Variants in TCIRG1 observed in about 807,000 individuals in gnomAD.
The protein encoded by TCIRG1 is T cell immune regulator 1, ATPase H+ transporting V0 subunit a3.
In TCIRG1, 86 loss-of-function variants were observed where a neutral mutation model predicts 95.5. The ratio of observed to expected loss-of-function variants is 0.90; its 90% CI spans 0.76 to 1.08. The LOEUF (loss-of-function observed/expected upper bound fraction) is 1.08. Ranked by LOEUF, TCIRG1 falls within the 50% of genes least tolerant of loss-of-function variation. The pLI is 0.00. For synonymous variants in TCIRG1, 499 were observed against 501.3 expected, an observed-to-expected ratio of 1.00 and a Z score of 0.06; for missense variants, 1,069 against 1,140.2, an observed-to-expected ratio of 0.94 and a Z score of 0.90.
Position 68,047,129 on chromosome 11 carries a change from G to A in TCIRG1, c.1166-304G>A, listed in dbSNP as rs1403331973. On this transcript the variant is annotated intron_variant, in intron 10 of 19. Transcript: ENST00000265686. ...GGGTTCAAATGATTCTCCTGCCTCA[G>A]CCTCCTGAGTAGCTGGGATTACAGG... 4 of 401,592 alleles carry A rather than the reference G, an allele frequency of 1.0e-5. No individual in the cohort carries two copies. The Admixed American group carries it at 1.4e-4, about 14-fold the overall frequency. 24.9% of individuals were successfully genotyped at this position (401,592 alleles called of 1,614,324 possible).
rs1000666892 is a variant in TCIRG1, at chr11:68,047,264, C to A, written c.1166-169C>A. Among the ~76,000 whole-genome samples the A allele has an allele frequency of 5.3e-5, 6 of 114,184 alleles. 1 individual carries two copies. The highest frequency in any genetic ancestry group is 9.8e-5 in the Non-Finnish European group (5 of 50,826). 74.9% of individuals were successfully genotyped at this position (114,184 alleles called of 152,430 possible). On this transcript the variant is annotated intron_variant, in intron 10 of 19. Coordinates refer to ENST00000265686, the MANE Select transcript of TCIRG1 (RefSeq NM_006019.4). Reference sequence around the variant, plus strand: ...GACCTCGGGTGATGCCCCCCCCCCCCCCCGTCTCGGCCTCCCAGAGTGCTG... The same window carrying A: ...GACCTCGGGTGATGCCCCCCCCCCCACCCGTCTCGGCCTCCCAGAGTGCTG...
chr11:68,051,014 G>T (rs1855778797), downstream of TCIRG1: 1 of 656,426 alleles, frequency 1.5e-6, no homozygotes, highest in East Asian at 2.7e-5. Flanking sequence ...CTGCAATAAT[G>T]TCAGACTCTT....
Position 68,044,002 on chromosome 11 carries a change from TC to T in TCIRG1, c.807+97del, listed in dbSNP as rs965015786. On this transcript the variant is annotated intron_variant, in intron 8 of 19. Transcript: ENST00000265686. ...AGGAGGTGGGTGCCCTGGCCTGGCCTCCAGGAGGTGGGTGCAGGAGGTGGGT... is the reference window on the plus strand; with the variant it reads ...AGGAGGTGGGTGCCCTGGCCTGGCCTCAGGAGGTGGGTGCAGGAGGTGGGT... 9.9e-6 allele frequency: 13 copies of T among 1,306,734 alleles called. No individual in the cohort carries two copies. The African/African-American group carries it at 1.5e-4, about 15-fold the overall frequency. The allele number at this position is 1,306,734 out of a possible 1,614,324, so 80.9% of individuals were successfully genotyped here.
Position 68,049,196 on chromosome 11 carries a change from G to C in TCIRG1, c.1789G>C (p.Ala597Pro). 1 of 1,613,874 alleles carries C rather than the reference G, an allele frequency of 6.2e-7. No homozygotes were observed. Reference protein sequence around the residue: ...LVIYKWLCVWAARAASAPSIL... With the variant: ...LVIYKWLCVWPARAASAPSIL... ...CATCTACAAGTGGCTGTGTGTCTGG[G>C]CTGCCAGGGCCGCCTCGGCCCCCAG... Residue 597 changes from alanine to proline, a missense_variant, in exon 15 of 20, where the codon GCT (alanine) becomes CCT (proline). By Grantham distance (27) the Ala-to-Pro change is conservative (BLOSUM62 -1). Transcript: ENST00000265686.
chr11:68,048,403 C>T (rs1855616316), intron 13 of TCIRG1: 2 of 340,008 alleles, frequency 5.9e-6, no homozygotes, highest in Non-Finnish European at 1.1e-5. Context: ...AAGCGATTCC[C>T]CTGCTTCAGC....
chr11:68,045,962 T>G (rs1187178422), intron 10 of TCIRG1, among the ~76,000 whole-genome samples: 1 of 151,846 alleles, frequency 6.6e-6, no homozygotes, highest in Non-Finnish European at 1.5e-5. Flanking sequence ...CACTGGGGGG[T>G]TTGCTGCTTC....
rs368374708 is a variant in TCIRG1, at chr11:68,043,574, G to A, written c.634G>A (p.Glu212Lys). The A allele has an allele frequency of 1.8e-5, 29 of 1,609,056 alleles. No homozygotes were observed. Among genetic ancestry groups the A allele is most frequent in the South Asian group, 1.1e-4 (10 of 90,230 alleles). Residue 212 changes from glutamate to lysine, a missense_variant, in exon 7 of 20, where the codon GAG becomes AAG. Coordinates refer to ENST00000265686, the MANE Select transcript of TCIRG1 (RefSeq NM_006019.4). ...EQPLEHPVTG[E>K]PATWMTFLIS... ...GTCAGCTGAGCCTGCTCTGCAGGGCGAGCCAGCCACGTGGATGACCTTCCT... is the reference window on the plus strand; with the variant it reads ...GTCAGCTGAGCCTGCTCTGCAGGGCAAGCCAGCCACGTGGATGACCTTCCT...
chr11:68,042,267 G>C (rs1855204683), intron 3 of TCIRG1, among the ~76,000 whole-genome samples: 1 of 152,236 alleles, frequency 6.6e-6, no homozygotes, highest in African/African-American at 2.4e-5. Flanking sequence ...AGGAGCCTGT[G>C]GGGGCACCAA....
At chr11:68,050,112 G>A (rs777107794) in intron 17 of TCIRG1, 25 bp from the exon 18 acceptor site, 47 of 1,612,124 alleles carry the variant, frequency 2.9e-5, no homozygotes, top group Middle Eastern at 1.6e-4. Flanking sequence ...AGGCCCTGCC[G>A]GCCCTCACTG....
At chr11:68,042,037 C>G (rs896153080) in intron 3 of TCIRG1, among the ~76,000 whole-genome samples, 2 of 152,218 alleles carry the variant, frequency 1.3e-5, no homozygotes, top group Admixed American at 6.5e-5. Context: ...GAGCAGAGGG[C>G]CTAGGGCAGG....
chr11:68,044,312 C>T lies in TCIRG1; in HGVS notation c.988C>T (p.Pro330Ser). The T allele has an allele frequency of 6.3e-7, 1 of 1,599,612 alleles. No individual in the cohort carries two copies. ...AEAWCSVRDLPALQEALRDSS... is the reference protein window; with the variant it reads ...AEAWCSVRDLSALQEALRDSS... Reference sequence around the variant, plus strand: ...GGCCTGGTGCTCTGTGCGAGACCTGCCCGCCCTGCAGGAGGCCCTGCGGGA... The same window carrying T: ...GGCCTGGTGCTCTGTGCGAGACCTGTCCGCCCTGCAGGAGGCCCTGCGGGA... Residue 330 changes from proline to serine, a missense_variant, in exon 9 of 20, where the codon CCC (proline) becomes TCC (serine). Physicochemically the swap from Pro to Ser is moderately conservative, Grantham distance 74. Coordinates refer to ENST00000265686, the MANE Select transcript of TCIRG1 (RefSeq NM_006019.4).
chr11:68,049,584 C>A lies in TCIRG1; in HGVS notation c.1888-79C>A, dbSNP rs1855687446. 2.6e-6 allele frequency: 4 copies of A among 1,546,408 alleles called. No homozygotes were observed. In the East Asian group the frequency reaches 7.1e-5, roughly 27 times the overall value. ...GAGGAGCGACCGCAGGCTCTCTGGG[C>A]CCCGTGACTGCTGTGACTCAGGTTC... On this transcript the variant is annotated intron_variant, in intron 15 of 19. Transcript: ENST00000265686.
rs1855228708 is a variant in TCIRG1, at chr11:68,042,690, C to T, written c.244C>T (p.Pro82Ser). 3 of 1,546,208 alleles carry T rather than the reference C, an allele frequency of 1.9e-6. No individual in the cohort carries two copies. Among genetic ancestry groups the T allele is most frequent in the South Asian group, 2.4e-5 (2 of 83,852 alleles). ...GCGGGCTGGGCTGGTCCTGCCCCCG[C>T]CAAAGGGGAGGCTGCCGGCACCCCC... ...VRRAGLVLPP[P>S]KGRLPAPPPR... is the part of the protein sequence containing the mutation. The change falls in exon 4 of 20, where the codon CCA becomes TCA. Residue 82 changes from proline (P) to serine (S), a missense_variant. Physicochemically the swap from Pro to Ser is moderately conservative, Grantham distance 74 (BLOSUM62 -1). Transcript: ENST00000265686.
At chr11:68,048,770 G>A (rs1276086492) in intron 13 of TCIRG1, 109 bp from the exon 14 acceptor site, 21 of 882,562 alleles carry the variant, frequency 2.4e-5, no homozygotes, top group Admixed American at 8.5e-5. Flanking sequence ...TGAGGCTGCA[G>A]GCTCCGAGGG....
chr11:68,046,881 C>G (rs1037524363), intron 10 of TCIRG1: 10 of 456,162 alleles, frequency 2.2e-5, no homozygotes, highest in Non-Finnish European at 4.4e-5. Flanking sequence ...CAGCAGCTGG[C>G]CCGTGCTGCC....
Position 68,050,261 on chromosome 11 carries a change from G to A in TCIRG1, c.2236+7G>A. ...CTGAGCCTGGCCCACGCCCGTGAGT[G>A]ACCTGGCCACCGACGGCTGGCCCCA... On this transcript the variant is annotated splice_region_variant and intron_variant, in intron 18 of 19. Coordinates refer to ENST00000265686, the MANE Select transcript of TCIRG1 (RefSeq NM_006019.4). 2 of 1,611,890 alleles carry A rather than the reference G, an allele frequency of 1.2e-6. No individual in the cohort carries two copies. Among genetic ancestry groups the A allele is most frequent in the Non-Finnish European group, 1.7e-6 (2 of 1,179,580 alleles).
chr11:68,046,108 C>T (rs572782691), intron 10 of TCIRG1, among the ~76,000 whole-genome samples: 20 of 152,312 alleles, frequency 1.3e-4, no homozygotes, highest in African/African-American at 3.8e-4. Flanking sequence ...CACCAGCCGT[C>T]GGGGCAGCGT....
chr11:68,047,261 C>CAA (rs1352679625), intron 10 of TCIRG1, among the ~76,000 whole-genome samples, 172 bp from the exon 11 acceptor site: 1 of 108,086 alleles, frequency 9.3e-6, no homozygotes, highest in African/African-American at 3.7e-5. Flanking sequence ...TGCCCCCCCC[C>CAA]CCCCCCGTCT....
In TCIRG1 at chr11:68,047,740, C is replaced by A. The variant is rs774863206; in HGVS notation, c.1399C>A (p.Arg467Ser). 6.2e-7 allele frequency: 1 copy of A among 1,613,254 alleles called. No homozygotes were observed. The highest frequency in any genetic ancestry group is 8.5e-7 in the Non-Finnish European group (1 of 1,179,990). The change falls in exon 12 of 20, where the codon CGC (arginine) becomes AGC (serine). Residue 467 changes from arginine to serine, a missense_variant. Arg to Ser is a moderately radical substitution (Grantham distance 110). Transcript: ENST00000265686. ...CTTCATCTACAACGAGTGCTTCAGT[C>A]GCGCCACCAGCATCTTCCCCTCGGG... ...TGFIYNECFS[R>S]ATSIFPSGWS...
Sources: gnomAD v4.1 joint callset for allele counts (sites outside exome capture counted in the v4.1 genomes callset) on GRCh38, gnomAD v4.1.1 for gene constraint, MANE v1.5 for transcripts, NCBI Gene and HGNC (gene_info 2026-07-23, HGNC 2026-07-21) for gene names.